Variants in DMXL2 observed in about 807,000 individuals in gnomAD.
DMXL2 encodes dmX-like protein 2.
In DMXL2, 103 loss-of-function variants were observed where a neutral mutation model predicts 331.1. The observed-to-expected ratio is 0.31, with a 90% CI of 0.27 to 0.37. The LOEUF is 0.37. Among genes scored for constraint, DMXL2 ranks in the 10% least tolerant of loss-of-function variants. DMXL2 has a pLI of 1.00. For synonymous variants in DMXL2, 1,281 were observed against 1,252.1 expected (o/e 1.02, Z -0.49); for missense variants, 3,171 against 3,642.9 (o/e 0.87, Z 3.33).
At chr15:51,571,940 G>C (rs940401615) in intron 2 of DMXL2, among the ~76,000 whole-genome samples, 1 of 152,104 alleles carries the variant, frequency 6.6e-6, no homozygotes, top group African/African-American at 2.4e-5. Context: ...TAAGATCAGA[G>C]CAGAACTGAA....
chr15:51,499,104 A>C lies in DMXL2; in HGVS notation c.4120T>G (p.Cys1374Gly). 1 of 1,614,046 alleles carries C rather than the reference A, an allele frequency of 6.2e-7. No homozygotes were observed. The highest frequency in any genetic ancestry group is 8.5e-7 in the Non-Finnish European group (1 of 1,180,026). ...AKAILSHLVKCIAGEVAIVRD... is the reference protein window; with the variant it reads ...AKAILSHLVKGIAGEVAIVRD... ...ACTATTGCTACTTCACCTGCAATAC[A>C]TTTTACTAAATGAGAGAGAATGGCT... Residue 1374 changes from cysteine to glycine, a missense_variant, in exon 18 of 44, where the codon TGT (cysteine) becomes GGT (glycine). Cys to Gly is a radical substitution (Grantham distance 159). This residue lies in a region of DMXL2 where 1,674 missense variants were observed against 1,780.2 expected (regional missense o/e 0.94). Coordinates refer to ENST00000560891, the MANE Select transcript of DMXL2 (RefSeq NM_001378457.1).
At chr15:51,494,960 A>G (rs1596003086) in intron 19 of DMXL2, 64 bp downstream of exon 19, 9 of 1,177,722 alleles carry the variant, frequency 7.6e-6, no homozygotes, top group Non-Finnish European at 1.0e-5. Context: ...CACAAACATG[A>G]TACACCCCAT....
At chr15:51,552,678 C>T (rs2049295611) in intron 6 of DMXL2, among the ~76,000 whole-genome samples, 1 of 152,048 alleles carries the variant, frequency 6.6e-6, no homozygotes, top group African/African-American at 2.4e-5. Flanking sequence ...GGTATCTCCC[C>T]TCTCTCTATC....
At position 51,536,152 on chromosome 15, in the gene DMXL2, C is replaced by T; in HGVS notation, c.2314+14G>A. ...AAAGCTTGTGTTAATTTCACAATTA[C>T]AATGAACACTTACCTAGACAGTAAC... On this transcript the variant is annotated intron_variant, in intron 12 of 43. Transcript: ENST00000560891. 1 of 1,531,572 alleles carries T rather than the reference C, an allele frequency of 6.5e-7. No homozygotes were observed. The highest frequency in any genetic ancestry group is 8.8e-7 in the Non-Finnish European group (1 of 1,141,214). The allele number at this position is 1,531,572 out of a possible 1,614,324, so 94.9% of individuals were successfully genotyped here. A position where few individuals can be genotyped will look rare whatever the true frequency, so the allele number is the denominator to read the frequency against.
intron 1 of DMXL2, among the ~76,000 whole-genome samples, chr15:51,588,848 A>G (rs1322000155): frequency 6.6e-6 from 1 of 152,224 alleles, no homozygotes; most frequent in African/African-American, 2.4e-5. Context: ...TGTTTCCTTC[A>G]GCAGCCAAAT....
intron 1 of DMXL2, among the ~76,000 whole-genome samples, chr15:51,590,917 T>C (rs1036667401): frequency 3.9e-5 from 6 of 152,042 alleles, no homozygotes; most frequent in Non-Finnish European, 8.8e-5. Context: ...TTGTAAAGGC[T>C]TGAGATTCTC....
chr15:51,578,442 G>A (rs2051192322), intron 1 of DMXL2, among the ~76,000 whole-genome samples: 1 of 152,160 alleles, frequency 6.6e-6, no homozygotes, highest in Non-Finnish European at 1.5e-5. Context: ...ATAATTGCCT[G>A]ATGTTTTCCA....
intron 43 of DMXL2, among the ~76,000 whole-genome samples, chr15:51,449,454 T>C (rs533389155): frequency 1.3e-5 from 2 of 152,350 alleles, no homozygotes; most frequent in Admixed American, 1.3e-4. Flanking sequence ...CAATTAACTA[T>C]TTGAGTTAAT....
Position 51,538,409 on chromosome 15 carries a change from A to G in DMXL2, c.1149T>C (p.Asp383=). The G allele has an allele frequency of 2.5e-6, 4 of 1,612,570 alleles. No homozygotes were observed. Among genetic ancestry groups the G allele is most frequent in the South Asian group, 1.1e-5 (1 of 91,004 alleles). The stretch of plus-strand genomic sequence containing the variant: ...AATGAACTACAAAGCCCCCATTTCC[A>G]TCATCAACATTAAATGCAGTGCCAA... ...VLVGTAFNVD[D]GNGGFVVHWL... Residue 383 remains aspartate (D), a synonymous_variant, in exon 10 of 44, where the codon GAT becomes GAC. Transcript: ENST00000560891.
At position 51,498,571 on chromosome 15, in the gene DMXL2, G is replaced by A; in HGVS notation, c.4653C>T (p.Ser1551=). The A allele has an allele frequency of 1.9e-6, 3 of 1,610,884 alleles. No individual in the cohort carries two copies. Among genetic ancestry groups the A allele is most frequent in the Non-Finnish European group, 2.5e-6 (3 of 1,178,762 alleles). Residue 1551 remains serine (S), a synonymous_variant, in exon 18 of 44, where the codon AGC becomes AGT. Coordinates refer to ENST00000560891, the MANE Select transcript of DMXL2 (RefSeq NM_001378457.1). The part of the protein sequence containing the change: ...VATTSTELDE[S]RDKSCSGRDT... ...ATTTACCTGAGCAACTCTTATCTCT[G>A]CTTTCATCAAGCTCAGTACTAGTAG...
intron 3 of DMXL2, chr15:51,566,908 T>C (rs906916645): frequency 1.2e-4 from 19 of 152,194 alleles, no homozygotes; most frequent in African/African-American, 4.1e-4. Context: ...AAATATAATA[T>C]AGCACCCAGT....
chr15:51,481,156 T>C lies in DMXL2; in HGVS notation c.5950A>G (p.Ser1984Gly). 6.2e-7 allele frequency: 1 copy of C among 1,613,232 alleles called. No homozygotes were observed. The highest frequency in any genetic ancestry group is 8.5e-7 in the Non-Finnish European group (1 of 1,179,418). ...TCGTCTTCCTCTTCATCTAAGGCAC[T>C]GTCGTGATCTTCACCCCAATCAAGA... is the stretch of plus-strand genomic sequence containing the variant. ...LNLDWGEDHD[S>G]ALDEEEDDAV... Residue 1984 changes from serine (S) to glycine (G), a missense_variant, in exon 24 of 44, where the codon AGT becomes GGT. Physicochemically the swap from Ser to Gly is moderately conservative, Grantham distance 56. Transcript: ENST00000560891.
intron 18 of DMXL2, among the ~76,000 whole-genome samples, chr15:51,495,491 C>T (rs868293375): frequency 3.3e-5 from 5 of 151,966 alleles, no homozygotes; most frequent in South Asian, 2.1e-4. Context: ...ACATGAATTC[C>T]GATGAGATGT....
intron 8 of DMXL2, among the ~76,000 whole-genome samples, chr15:51,542,851 T>A (rs934169920): frequency 3.3e-5 from 5 of 150,992 alleles, no homozygotes; most frequent in Admixed American, 6.6e-5. Context: ...AAAAAAAAAA[T>A]TCCTGAGTCT....
chr15:51,515,829 A>G (rs538899993), intron 14 of DMXL2, among the ~76,000 whole-genome samples: 4 of 152,202 alleles, frequency 2.6e-5, no homozygotes, highest in South Asian at 2.1e-4. Flanking sequence ...TTAACATCCA[A>G]TCCATTAAAA....
intron 1 of DMXL2, among the ~76,000 whole-genome samples, chr15:51,588,897 C>A (rs2052069428): frequency 6.6e-6 from 1 of 152,158 alleles, no homozygotes; most frequent in Admixed American, 6.5e-5. Context: ...CCCTTTTTTA[C>A]ACTGTATTTC....
intron 13 of DMXL2, among the ~76,000 whole-genome samples, 199 bp from the exon 14 acceptor site, chr15:51,517,366 T>C (rs2047092448): frequency 6.6e-6 from 1 of 152,250 alleles, no homozygotes; most frequent in African/African-American, 2.4e-5. Context: ...AAAACTATAA[T>C]GTTTACAAAA....
rs181395183 is a variant in DMXL2 at position 51,494,584 on chromosome 15, A to G, written c.4783+440T>C. ...TGAAGTACACAAATCCACTGTTATC[A>G]ATATGGCAGATCTTCCTGAATCATC... On this transcript the variant is annotated intron_variant, in intron 19 of 43. Transcript: ENST00000560891. 3.3e-3 allele frequency among the ~76,000 whole-genome samples: 499 copies of G among 152,334 alleles called. 1 individual carries two copies. The highest frequency in any genetic ancestry group is 4.4e-3 in the Non-Finnish European group (301 of 68,020).
intron 1 of DMXL2, among the ~76,000 whole-genome samples, chr15:51,621,835 A>C (rs769507952): frequency 7.4e-6 from 1 of 135,118 alleles, no homozygotes; most frequent in Non-Finnish European, 1.6e-5. Flanking sequence ...TCTCCAAGCC[A>C]CTGTGACTCT....
Sources: gnomAD v4.1 joint callset for allele counts (sites outside exome capture counted in the v4.1 genomes callset) on GRCh38, gnomAD v4.1.1 for gene constraint, gnomAD v4.1.1 regional missense constraint, MANE v1.5 for transcripts, NCBI Gene and HGNC (gene_info 2026-07-23, HGNC 2026-07-21) for gene names.